VPS8: variants seen among roughly 807,000 people sequenced by gnomAD.
VPS8 encodes the protein VPS8 subunit of CORVET complex.
Under a neutral mutation model 216.4 loss-of-function variants are expected in VPS8, and 129 were observed. That is an observed-to-expected ratio of 0.60 (90% CI 0.52 to 0.69). The LOEUF is 0.69. Among genes scored for constraint, VPS8 ranks in the 30% least tolerant of loss-of-function variants. The probability of loss-of-function intolerance (pLI) is 0.00; values close to 1 mark genes in which losing one functional copy is unlikely to be tolerated. For synonymous variants in VPS8, 571 were observed against 565.4 expected, an observed-to-expected ratio of 1.01 and a Z score of -0.14; for missense variants, 1,531 against 1,683.5, an observed-to-expected ratio of 0.91 and a Z score of 1.59.
chr3:184,963,161 A>C (rs997577567), intron 37 of VPS8, among the ~76,000 whole-genome samples: 12 of 152,114 alleles, frequency 7.9e-5, no homozygotes, highest in African/African-American at 2.7e-4. Context: ...TTAGTGTCCT[A>C]CATCTCCTAG....
chr3:184,887,502 CAGTG>C, intron 22 of VPS8, among the ~76,000 whole-genome samples: 1 of 150,740 alleles, frequency 6.6e-6, no homozygotes, highest in Non-Finnish European at 1.5e-5. Flanking sequence ...ATTTTTATAA[CAGTG>C]AGGTAGGGAT....
intron 3 of VPS8, among the ~76,000 whole-genome samples, chr3:184,827,757 T>C (rs1486415925): frequency 1.3e-5 from 2 of 152,206 alleles, no homozygotes; most frequent in African/African-American, 4.8e-5. Flanking sequence ...ATAACACTGT[T>C]ATCATCCTCA....
intron 21 of VPS8, among the ~76,000 whole-genome samples, chr3:184,881,167 A>G (rs1430384644): frequency 6.6e-6 from 1 of 152,156 alleles, no homozygotes; most frequent in East Asian, 1.9e-4. Context: ...CCAATTTATC[A>G]GCTTTTCCTT....
chr3:184,828,904 C>T (rs1328421651), intron 3 of VPS8, among the ~76,000 whole-genome samples: 3 of 152,198 alleles, frequency 2.0e-5, no homozygotes, highest in Non-Finnish European at 4.4e-5. Context: ...AGTACCCAAA[C>T]CCAGGGTAAT....
rs777155686 is a variant in VPS8 at position 184,853,896 on chromosome 3, G to A, written c.861G>A (p.Leu287=). ...TGAGAACCTGTGAATCTAGATGTCTGTTCAGTGGTTCCAAGGGTGAAGTCT... is the reference window on the plus strand; with the variant it reads ...TGAGAACCTGTGAATCTAGATGTCTATTCAGTGGTTCCAAGGGTGAAGTCT... The part of the protein sequence containing the change: ...MGVRTCESRC[L]FSGSKGEVCC... The change falls in exon 12 of 48, where the codon CTG becomes CTA. Residue 287 remains leucine, a synonymous_variant. Transcript: ENST00000625842. The A allele has an allele frequency of 6.2e-7, 1 of 1,600,146 alleles. No individual in the cohort carries two copies. The highest frequency in any genetic ancestry group is 8.5e-7 in the Non-Finnish European group (1 of 1,172,930).
intron 18 of VPS8, 187 bp downstream of exon 18, chr3:184,868,246 C>A: frequency 1.7e-6 from 1 of 574,250 alleles, no homozygotes; most frequent in Non-Finnish European, 3.0e-6. Flanking sequence ...TTAGGTTTGT[C>A]TACATATATT....
intron 46 of VPS8, among the ~76,000 whole-genome samples, chr3:185,028,118 T>A (rs535417177): frequency 6.6e-6 from 1 of 152,290 alleles, no homozygotes; most frequent in Non-Finnish European, 1.5e-5. Context: ...CTTGCGGAGT[T>A]CGTGTTAGCT....
intron 21 of VPS8, among the ~76,000 whole-genome samples, chr3:184,879,319 C>T (rs1169187061): frequency 3.9e-5 from 6 of 152,134 alleles, no homozygotes; most frequent in African/African-American, 1.2e-4. Flanking sequence ...CATTATAGCC[C>T]ATACATTGAA....
Position 184,929,623 on chromosome 3 carries a change from G to A in VPS8, c.2758G>A (p.Asp920Asn). The change falls in exon 33 of 48, where the codon GAT becomes AAT. Residue 920 changes from aspartate to asparagine, a missense_variant. Physicochemically the swap from Asp to Asn is conservative, Grantham distance 23. Around this residue, in one of 3 missense-constraint regions of VPS8, gnomAD observed 1,318 missense variants for 1,468.4 expected, o/e 0.90. Coordinates refer to ENST00000625842, the MANE Select transcript of VPS8 (RefSeq NM_001009921.3). ...EFMYEREHQYDKIIDCYLRDP... is the reference protein window; with the variant it reads ...EFMYEREHQYNKIIDCYLRDP... ...TATGTATGAAAGAGAACACCAATAT[G>A]ATAAAATTATTGATTGCTACTTACG... 6.5e-7 allele frequency: 1 copy of A among 1,539,904 alleles called. No individual in the cohort carries two copies. The highest frequency in any genetic ancestry group is 8.8e-7 in the Non-Finnish European group (1 of 1,139,344).
intron 34 of VPS8, among the ~76,000 whole-genome samples, chr3:184,933,846 G>A (rs1312701982): frequency 1.3e-5 from 2 of 152,076 alleles, no homozygotes; most frequent in Non-Finnish European, 2.9e-5. Flanking sequence ...GTCCATCTCT[G>A]CATCAGTACC....
chr3:184,884,919 A>C (rs1278352967), intron 21 of VPS8, among the ~76,000 whole-genome samples: 2 of 152,156 alleles, frequency 1.3e-5, no homozygotes, highest in Admixed American at 1.3e-4. Flanking sequence ...TAGCATTTCT[A>C]GGGAAGTCCT....
At chr3:184,904,660 A>G (rs755075124) in intron 25 of VPS8, among the ~76,000 whole-genome samples, 14 of 152,112 alleles carry the variant, frequency 9.2e-5, no homozygotes, top group Admixed American at 3.3e-4. Flanking sequence ...TTCTTTTGAT[A>G]TCTTGTTATC....
intron 13 of VPS8, among the ~76,000 whole-genome samples, chr3:184,854,995 G>C (rs1010130863): frequency 6.6e-6 from 1 of 152,090 alleles, no homozygotes; most frequent in African/African-American, 2.4e-5. Context: ...TTGTTTTCTT[G>C]TTGGTACCCT....
chr3:184,977,520 C>A (rs1749473464), intron 40 of VPS8, among the ~76,000 whole-genome samples: 2 of 152,042 alleles, frequency 1.3e-5, no homozygotes, highest in South Asian at 2.1e-4. Flanking sequence ...GCCATAAATT[C>A]TTTACCAGGG....
At chr3:184,972,911 T>TGG (rs1447812367) in intron 40 of VPS8, among the ~76,000 whole-genome samples, 1 of 152,234 alleles carries the variant, frequency 6.6e-6, no homozygotes, top group African/African-American at 2.4e-5. Context: ...GTTTTTGAAA[T>TGG]GGGGAACAGG....
At chr3:184,836,127 A>G (rs574876038) in intron 5 of VPS8, 2 of 370,654 alleles carry the variant, frequency 5.4e-6, no homozygotes, top group African/African-American at 4.2e-5. Flanking sequence ...CAACAACAAC[A>G]AAAGTATTTA....
At position 185,034,864 on chromosome 3, in the gene VPS8, A is replaced by C. The variant is rs1473464330; in HGVS notation, c.4056+10475A>C. Among the ~76,000 whole-genome samples, 5 of 152,290 alleles carry C rather than the reference A, an allele frequency of 3.3e-5. No homozygotes were observed. In the East Asian group the frequency reaches 9.6e-4, roughly 29 times the overall value. On this transcript the variant is annotated intron_variant, in intron 46 of 47. Coordinates refer to ENST00000625842, the MANE Select transcript of VPS8 (RefSeq NM_001009921.3). ...TTGATAAACCACTAGCTAGGTTAAC[A>C]AAGAAAAAACAGAAGCTCCAAATAA...
At chr3:184,894,493 TGTATATATACACAC>T (rs1732963926) in intron 22 of VPS8, among the ~76,000 whole-genome samples, 196 bp from the exon 23 acceptor site, 1 of 128,048 alleles carries the variant, frequency 7.8e-6, no homozygotes, top group Admixed American at 8.2e-5. Flanking sequence ...TTTATATATA[TGTATATATACACAC>T]GTATATATAT....
chr3:184,853,616 C>T (rs1724708163), intron 11 of VPS8, among the ~76,000 whole-genome samples: 1 of 152,140 alleles, frequency 6.6e-6, no homozygotes, highest in Non-Finnish European at 1.5e-5. Context: ...CCTTTTAAGA[C>T]ATGGGAAAGA....
Sources: gnomAD v4.1 joint callset for allele counts (sites outside exome capture counted in the v4.1 genomes callset) on GRCh38, gnomAD v4.1.1 for gene constraint, gnomAD v4.1.1 regional missense constraint, MANE v1.5 for transcripts, NCBI Gene and HGNC (gene_info 2026-07-23, HGNC 2026-07-21) for gene names.